Variants in SMAD4 observed in about 807,000 individuals in gnomAD.
SMAD4 encodes the protein SMAD family member 4, also known as MAD homolog 4.
In SMAD4, 7 loss-of-function variants were observed where a neutral mutation model predicts 63.2. The observed-to-expected ratio is 0.11, with a 90% CI of 0.06 to 0.21. The LOEUF (loss-of-function observed/expected upper bound fraction) is 0.21, where lower values mean the gene tolerates loss of function less well. Among genes scored for constraint, SMAD4 ranks in the 10% least tolerant of loss-of-function variants. The pLI is 1.00. For synonymous variants in SMAD4, 215 were observed against 235.4 expected, an observed-to-expected ratio of 0.91 and a Z score of 0.79; for missense variants, 312 against 693.8, an observed-to-expected ratio of 0.45 and a Z score of 6.18.
chr18:51,054,519 G>A, intron 4 of SMAD4: 1 of 448,202 alleles, frequency 2.2e-6, no homozygotes, highest in Non-Finnish European at 4.1e-6. Context: ...GATTGTTGCT[G>A]GAGGCTGTTG....
chr18:51,059,973 A>G, intron 8 of SMAD4, 57 bp downstream of exon 8: 2 of 1,280,676 alleles, frequency 1.6e-6, no homozygotes, highest in African/African-American at 1.5e-5. Context: ...GGTGATTGAA[A>G]CGCACAAACA....
chr18:51,044,147 C>G (rs993696223), intron 1 of SMAD4, among the ~76,000 whole-genome samples: 2 of 152,040 alleles, frequency 1.3e-5, no homozygotes, highest in Non-Finnish European at 2.9e-5. Flanking sequence ...TTCCCTCTTT[C>G]CCGATTCCTT....
chr18:51,048,991 A>G, intron 3 of SMAD4, 131 bp downstream of exon 3: 1 of 781,778 alleles, frequency 1.3e-6, no homozygotes, highest in African/African-American at 1.7e-5. Flanking sequence ...AGAATCAGAC[A>G]TTTTTAATAT....
At chr18:51,030,746 G>T in intron 1 of SMAD4, 123 bp downstream of exon 1, 1 of 152,118 alleles carries the variant, frequency 6.6e-6, no homozygotes, top group South Asian at 1.8e-4. Flanking sequence ...GGAGCGCGCG[G>T]AATCCTCTGG....
chr18:51,035,188 C>T (rs1288204966), intron 1 of SMAD4, among the ~76,000 whole-genome samples: 1 of 152,208 alleles, frequency 6.6e-6, no homozygotes. Context: ...CCTTTCTCCT[C>T]TGTTTCTTTC....
chr18:51,084,861 A>G lies in SMAD4; in HGVS notation c.*6394A>G, dbSNP rs981878560. Reference sequence around the variant, plus strand: ...GAGGAATGCAGCTATGCCAGAAGCCAGAGAAGAGCCACTCGTAGCTTCTGC... The same window carrying G: ...GAGGAATGCAGCTATGCCAGAAGCCGGAGAAGAGCCACTCGTAGCTTCTGC... On this transcript the variant is annotated 3_prime_UTR_variant, in exon 12 of 12. Transcript: ENST00000342988. 6.2e-5 allele frequency: 14 copies of G among 225,626 alleles called. No individual in the cohort carries two copies. The highest frequency in any genetic ancestry group is 3.1e-4 in the African/African-American group (14 of 44,948). 14.0% of individuals were successfully genotyped at this position (225,626 alleles called of 1,614,324 possible).
At chr18:51,069,744 G>A (rs745667677) in intron 10 of SMAD4, among the ~76,000 whole-genome samples, 1 of 152,114 alleles carries the variant, frequency 6.6e-6, no homozygotes, top group Non-Finnish European at 1.5e-5. Context: ...TTATTCCTAG[G>A]TGTACTTCTG....
chr18:51,061,531 C>A (rs932017551), intron 8 of SMAD4, among the ~76,000 whole-genome samples: 1 of 152,136 alleles, frequency 6.6e-6, no homozygotes, highest in Admixed American at 6.5e-5. Context: ...GTGACTGAAT[C>A]GCATTTTTTT....
chr18:51,037,068 C>G (rs904706118), intron 1 of SMAD4, among the ~76,000 whole-genome samples: 5 of 152,178 alleles, frequency 3.3e-5, no homozygotes, highest in African/African-American at 1.2e-4. Context: ...CCTGTAATCC[C>G]AGCTTCTTGG....
At chr18:51,058,483 CTA>C in intron 7 of SMAD4, 27 bp downstream of exon 7, 2 of 1,258,502 alleles carry the variant, frequency 1.6e-6, no homozygotes, top group Non-Finnish European at 1.1e-6. Flanking sequence ...GTTGTAAGGG[CTA>C]TTTTTTTTTT....
chr18:51,083,503 G>T lies in SMAD4; in HGVS notation c.*5036G>T. ...GTAGTAAGGACTAAGGAAAACCTTT[G>T]GTGAAGACAATCATTTCTCTCTGTT... On this transcript the variant is annotated 3_prime_UTR_variant, in exon 12 of 12. Coordinates refer to ENST00000342988, the MANE Select transcript of SMAD4 (RefSeq NM_005359.6). 8.9e-6 allele frequency: 2 copies of T among 224,004 alleles called. No homozygotes were observed. The highest frequency in any genetic ancestry group is 1.8e-5 in the Non-Finnish European group (2 of 113,136). The allele number at this position is 224,004 out of a possible 1,614,324, so 13.9% of individuals were successfully genotyped here. A position where few individuals can be genotyped will look rare whatever the true frequency, so the allele number is the denominator to read the frequency against.
At chr18:51,058,485 A>ATTTTTTT (rs386387676) in intron 7 of SMAD4, 29 bp downstream of exon 7, 9 of 1,095,028 alleles carry the variant, frequency 8.2e-6, no homozygotes, top group East Asian at 7.5e-5. Context: ...TGTAAGGGCT[A>ATTTTTTT]TTTTTTTTTT....
At chr18:51,040,769 C>T (rs1239429911) in intron 1 of SMAD4, among the ~76,000 whole-genome samples, 2 of 152,232 alleles carry the variant, frequency 1.3e-5, no homozygotes, top group Admixed American at 6.5e-5. Context: ...AAACAACAGG[C>T]AGATAACAAG....
chr18:51,034,633 C>T (rs1265546136), intron 1 of SMAD4, among the ~76,000 whole-genome samples: 1 of 152,068 alleles, frequency 6.6e-6, no homozygotes, highest in Admixed American at 6.5e-5. Context: ...CAGCCTCTAC[C>T]ACCCAGGCTC....
chr18:51,044,280 G>T (rs1277204349), intron 1 of SMAD4, among the ~76,000 whole-genome samples: 1 of 152,086 alleles, frequency 6.6e-6, no homozygotes, highest in Non-Finnish European at 1.5e-5. Context: ...GAGGAGCTGG[G>T]ACTACAAGCC....
Position 51,080,967 on chromosome 18 carries a change from A to G in SMAD4, c.*2500A>G. ...CACCTGTCTTGGTTTCTTTCTACTA[A>G]GAGCCATAAAGTATAGAAATACTTC... On this transcript the variant is annotated 3_prime_UTR_variant, in exon 12 of 12. Coordinates refer to ENST00000342988, the MANE Select transcript of SMAD4 (RefSeq NM_005359.6). The G allele has an allele frequency of 5.0e-6, 1 of 200,826 alleles. No homozygotes were observed. Among genetic ancestry groups the G allele is most frequent in the Non-Finnish European group, 1.0e-5 (1 of 97,506 alleles). The allele number at this position is 200,826 out of a possible 1,614,324, so 12.4% of individuals were successfully genotyped here.
intron 8 of SMAD4, among the ~76,000 whole-genome samples, chr18:51,060,642 G>C (rs907781434): frequency 6.6e-6 from 1 of 151,926 alleles, no homozygotes; most frequent in East Asian, 1.9e-4. Flanking sequence ...ATTTTTACTT[G>C]TTTATTTTTG....
intron 4 of SMAD4, among the ~76,000 whole-genome samples, chr18:51,049,800 T>C (rs530077809): frequency 6.6e-6 from 1 of 152,326 alleles, no homozygotes; most frequent in African/African-American, 2.4e-5. Context: ...AATTGCACTC[T>C]TTTGTATTTT....
At chr18:51,041,121 G>A (rs1425476648) in intron 1 of SMAD4, among the ~76,000 whole-genome samples, 1 of 151,956 alleles carries the variant, frequency 6.6e-6, no homozygotes, top group Non-Finnish European at 1.5e-5. Context: ...TCTGGTAATT[G>A]TTTCCTAACT....
Sources: gnomAD v4.1 joint callset for allele counts (sites outside exome capture counted in the v4.1 genomes callset) on GRCh38, gnomAD v4.1.1 for gene constraint, MANE v1.5 for transcripts, NCBI Gene and HGNC (gene_info 2026-07-23, HGNC 2026-07-21) for gene names.